The following ABLIM3 variants were observed in gnomAD, a reference collection of about 807,000 sequenced individuals.
ABLIM3 encodes actin-binding LIM protein 3.
Under a neutral mutation model 109.5 loss-of-function variants are expected in ABLIM3, and 61 were observed. That is an observed-to-expected ratio of 0.56 (90% confidence interval 0.45 to 0.69). The LOEUF (loss-of-function observed/expected upper bound fraction) is 0.69. ABLIM3 is among the 30% of genes least tolerant of loss of function. The pLI, the probability that ABLIM3 is intolerant of heterozygous loss-of-function variation, is 0.00. For synonymous variants in ABLIM3, 300 were observed against 324.8 expected (o/e 0.92, Z 0.82); for missense variants, 796 against 889.5 (o/e 0.89, Z 1.34).
At chr5:149,176,524 T>C (rs1390915811) in intron 2 of ABLIM3, among the ~76,000 whole-genome samples, 1 of 152,112 alleles carries the variant, frequency 6.6e-6, no homozygotes, top group Non-Finnish European at 1.5e-5. Flanking sequence ...GGGTTCAGAT[T>C]CTGCCTCTGC....
chr5:149,242,974 C>G (rs1428245198), intron 15 of ABLIM3, among the ~76,000 whole-genome samples: 1 of 152,212 alleles, frequency 6.6e-6, no homozygotes, highest in African/African-American at 2.4e-5. Context: ...CCAAGTGATT[C>G]TGATACTCAG....
intron 7 of ABLIM3, among the ~76,000 whole-genome samples, chr5:149,215,749 A>G (rs1032065744): frequency 1.1e-4 from 16 of 152,080 alleles, no homozygotes; most frequent in Non-Finnish European, 2.1e-4. Context: ...CCACCTGCCA[A>G]CCCAATTGCT....
chr5:149,189,245 A>G (rs189459254), intron 3 of ABLIM3, among the ~76,000 whole-genome samples: 24 of 152,318 alleles, frequency 1.6e-4, no homozygotes, highest in African/African-American at 5.3e-4. Flanking sequence ...GGTAAAATTG[A>G]GAAACTCTTA....
At position 149,259,673 on chromosome 5, in the gene ABLIM3, C is replaced by T; in HGVS notation, c.*1269C>T. On this transcript the variant is annotated 3_prime_UTR_variant, in exon 24 of 24. Transcript: ENST00000309868. Reference sequence around the variant, plus strand: ...TCGCCTCCCTGAACAGGGGAGAAAGCTTAACCTCTCTTCTCCTCTCCAAAC... The same window carrying T: ...TCGCCTCCCTGAACAGGGGAGAAAGTTTAACCTCTCTTCTCCTCTCCAAAC... The T allele has an allele frequency of 7.6e-7, 1 of 1,319,650 alleles. No individual in the cohort carries two copies. Among genetic ancestry groups the T allele is most frequent in the Non-Finnish European group, 1.1e-6 (1 of 950,390 alleles). 81.7% of individuals were successfully genotyped at this position (1,319,650 alleles called of 1,614,324 possible).
rs376680150 is a variant in ABLIM3 at position 149,239,918 on chromosome 5, G to T, written c.1204+30G>T. On this transcript the variant is annotated intron_variant, in intron 13 of 23. Transcript: ENST00000309868. ...GGAAGGGGGAGGACCTGAAGGGAGA[G>T]GAAGAGCCAGGGAGACAATGCAGTC... The T allele has an allele frequency of 8.9e-6, 14 of 1,580,000 alleles. No homozygotes were observed. The African/African-American group carries it at 1.5e-4, about 17-fold the overall frequency.
intron 2 of ABLIM3, among the ~76,000 whole-genome samples, chr5:149,155,888 A>T (rs115808651): frequency 0.011 from 1,684 of 152,292 alleles, 22 homozygotes; most frequent in African/African-American, 0.038. Flanking sequence ...TCTACAGCCA[A>T]TGAGGAGTCA....
intron 2 of ABLIM3, among the ~76,000 whole-genome samples, chr5:149,170,778 G>A (rs7726842): frequency 0.016 from 2,410 of 152,250 alleles, 26 homozygotes; most frequent in Middle Eastern, 0.02. Context: ...ATGTTCGTCC[G>A]TTGATTTGGG....
At chr5:149,238,093 C>A (rs1752419099) in intron 11 of ABLIM3, among the ~76,000 whole-genome samples, 1 of 152,116 alleles carries the variant, frequency 6.6e-6, no homozygotes, top group Non-Finnish European at 1.5e-5. Flanking sequence ...TCCCACCTGG[C>A]CTTTAGCCCC....
At chr5:149,204,374 T>G (rs543145642) in intron 5 of ABLIM3, among the ~76,000 whole-genome samples, 78 of 152,274 alleles carry the variant, frequency 5.1e-4, no homozygotes, top group Non-Finnish European at 9.4e-4. Context: ...CACGGGCTCC[T>G]GGGTGGCATG....
At chr5:149,186,137 A>G (rs1461155413) in intron 3 of ABLIM3, among the ~76,000 whole-genome samples, 1 of 152,166 alleles carries the variant, frequency 6.6e-6, no homozygotes, top group Non-Finnish European at 1.5e-5. Flanking sequence ...GTAGAGGGGA[A>G]TAAAACAGTG....
intron 2 of ABLIM3, among the ~76,000 whole-genome samples, chr5:149,165,123 A>T (rs1329705895): frequency 2.0e-5 from 3 of 152,246 alleles, no homozygotes; most frequent in African/African-American, 7.2e-5. Context: ...AGCATCCTTG[A>T]ATCTCACAGT....
chr5:149,226,143 T>C (rs1183336190), intron 8 of ABLIM3, among the ~76,000 whole-genome samples: 1 of 151,024 alleles, frequency 6.6e-6, no homozygotes, highest in Admixed American at 6.6e-5. Flanking sequence ...AAGATAGTGC[T>C]GCTGTCATAA....
chr5:149,246,434 C>T, intron 16 of ABLIM3, 48 bp from the exon 17 acceptor site: 1 of 1,577,588 alleles, frequency 6.3e-7, no homozygotes, highest in Non-Finnish European at 8.6e-7. Context: ...TTAAGCCAGG[C>T]TGAGTGGGGT....
chr5:149,212,676 A>G (rs17109782), intron 7 of ABLIM3, among the ~76,000 whole-genome samples: 2,398 of 152,296 alleles, frequency 0.016, 69 homozygotes, highest in African/African-American at 0.055. Context: ...AAGTTGCACC[A>G]AAGAATTATC....
At chr5:149,163,500 C>T (rs1754562897) in intron 2 of ABLIM3, among the ~76,000 whole-genome samples, 1 of 152,092 alleles carries the variant, frequency 6.6e-6, no homozygotes, top group East Asian at 1.9e-4. Flanking sequence ...AGTCCAAGAT[C>T]AAGGTATGGG....
At chr5:149,170,463 T>C (rs1484436149) in intron 2 of ABLIM3, among the ~76,000 whole-genome samples, 1 of 152,134 alleles carries the variant, frequency 6.6e-6, no homozygotes, top group East Asian at 1.9e-4. Flanking sequence ...GCTGTTCTAA[T>C]TGGCCTAACC....
chr5:149,198,000 GA>G, intron 3 of ABLIM3, among the ~76,000 whole-genome samples: 1 of 150,762 alleles, frequency 6.6e-6, no homozygotes, highest in Non-Finnish European at 1.5e-5. Context: ...ATTCTTTAAG[GA>G]ATACTGGCCC....
chr5:149,170,984 TTTTC>T (rs1755361637), intron 2 of ABLIM3, among the ~76,000 whole-genome samples: 1 of 152,210 alleles, frequency 6.6e-6, no homozygotes, highest in Non-Finnish European at 1.5e-5. Flanking sequence ...TTTCCCTAAT[TTTTC>T]TTTCTCTCTC....
intron 2 of ABLIM3, among the ~76,000 whole-genome samples, chr5:149,165,020 A>G (rs1433983729): frequency 3.3e-5 from 5 of 152,168 alleles, no homozygotes; most frequent in Admixed American, 3.3e-4. Flanking sequence ...TTTTTGTTGG[A>G]GGACACATTT....
Sources: gnomAD v4.1 joint callset for allele counts (sites outside exome capture counted in the v4.1 genomes callset) on GRCh38, gnomAD v4.1.1 for gene constraint, MANE v1.5 for transcripts, NCBI Gene and HGNC (gene_info 2026-07-23, HGNC 2026-07-21) for gene names.